The following OLFM3 variants were observed in gnomAD, a reference collection of about 807,000 sequenced individuals.
OLFM3 encodes olfactomedin 3, also known as noelin-3.
Under a neutral mutation model 48.6 loss-of-function variants are expected in OLFM3, and 20 were observed. The observed-to-expected ratio is 0.41, with a 90% CI of 0.29 to 0.60. OLFM3 has a LOEUF of 0.60. Among genes scored for constraint, OLFM3 ranks in the 20% least tolerant of loss-of-function variants. The pLI is 0.28. For missense variants in OLFM3, 437 were observed against 544.3 expected, an observed-to-expected ratio of 0.80 and a Z score of 1.96; for synonymous variants, 222 against 198.1, an observed-to-expected ratio of 1.12 and a Z score of -1.01.
chr1:101,809,578 C>A (rs1288899906), intron 4 of OLFM3, among the ~76,000 whole-genome samples: 2 of 151,788 alleles, frequency 1.3e-5, no homozygotes, highest in Admixed American at 6.6e-5. Flanking sequence ...AGACATCAGA[C>A]AAGAAAATAG....
At chr1:101,990,080 G>A (rs770182666) in intron 1 of OLFM3, among the ~76,000 whole-genome samples, 3 of 152,098 alleles carry the variant, frequency 2.0e-5, no homozygotes, top group Non-Finnish European at 2.9e-5. Flanking sequence ...TCCATGATTA[G>A]TTTAAAAGTT....
chr1:101,935,359 C>T (rs977839498), intron 1 of OLFM3, among the ~76,000 whole-genome samples: 1 of 150,756 alleles, frequency 6.6e-6, no homozygotes, highest in Non-Finnish European at 1.5e-5. Context: ...TCTATGCACA[C>T]AACTAGAAAA....
In OLFM3 at chr1:101,816,778, T is replaced by G. The variant is rs541934755; in HGVS notation, c.592+8248A>C. 2.6e-5 allele frequency among the ~76,000 whole-genome samples: 4 copies of G among 152,260 alleles called. No homozygotes were observed. In the East Asian group the frequency reaches 5.8e-4, roughly 22 times the overall value. ...ATGCTGGTGGACAGAAGGTGGTATT[T>G]GTGGTTGTGGTCAAATAAACACCAT... On this transcript the variant is annotated intron_variant, in intron 4 of 5. Transcript: ENST00000370103.
At chr1:101,848,801 A>T (rs1052789584) in intron 1 of OLFM3, among the ~76,000 whole-genome samples, 1 of 152,174 alleles carries the variant, frequency 6.6e-6, no homozygotes, top group Non-Finnish European at 1.5e-5. Context: ...TGTCTTTTCA[A>T]GAGCTTAATT....
chr1:101,948,028 T>G (rs1486788289), intron 1 of OLFM3, among the ~76,000 whole-genome samples: 1 of 152,090 alleles, frequency 6.6e-6, no homozygotes, highest in Non-Finnish European at 1.5e-5. Context: ...TCACAATAGA[T>G]CTGAAAATTC....
rs1658080065 is a variant in OLFM3 at position 101,893,447 on chromosome 1, G to T, written c.70-56422C>A. Reference sequence around the variant, plus strand: ...AAAGAAGATAGTTTTGGGAGAAGACGATTCTAGAAATTCATATTGACAAAA... The same window carrying T: ...AAAGAAGATAGTTTTGGGAGAAGACTATTCTAGAAATTCATATTGACAAAA... On this transcript the variant is annotated intron_variant, in intron 1 of 5. Coordinates refer to ENST00000370103, the MANE Select transcript of OLFM3 (RefSeq NM_058170.4). The T allele has an allele frequency of 1.1e-5, 3 of 273,184 alleles. No homozygotes were observed. In the South Asian group the frequency reaches 1.5e-4, roughly 14 times the overall value. 16.9% of individuals were successfully genotyped at this position (273,184 alleles called of 1,614,324 possible). A position where few individuals can be genotyped will look rare whatever the true frequency, so the allele number is the denominator to read the frequency against.
At chr1:101,951,546 T>A (rs1660144837) in intron 1 of OLFM3, among the ~76,000 whole-genome samples, 1 of 152,160 alleles carries the variant, frequency 6.6e-6, no homozygotes, top group Non-Finnish European at 1.5e-5. Flanking sequence ...CATCTGTAAG[T>A]GCCTCAGAAT....
intron 1 of OLFM3, among the ~76,000 whole-genome samples, chr1:101,923,167 A>G (rs1659155517): frequency 6.6e-6 from 1 of 152,218 alleles, no homozygotes; most frequent in Admixed American, 6.5e-5. Flanking sequence ...TCATAGGCAT[A>G]TCTCTGTAGA....
intron 4 of OLFM3, among the ~76,000 whole-genome samples, chr1:101,822,142 G>T (rs751013767): frequency 6.6e-6 from 1 of 152,076 alleles, no homozygotes; most frequent in Non-Finnish European, 1.5e-5. Context: ...GGGGTTACAT[G>T]TGGGTTAGAA....
intron 1 of OLFM3, among the ~76,000 whole-genome samples, chr1:101,930,989 C>T (rs7536073): frequency 0.4 from 61,291 of 151,976 alleles, 12,717 homozygotes; most frequent in Middle Eastern, 0.51. Context: ...TGATATTTTG[C>T]CTAGCAATTA....
rs895088217 is a variant in OLFM3, at chr1:101,875,584, G to C, written c.70-38559C>G. ...TTAAAAAAATAAAATGTATATTCTA[G>C]GACATAAGATGAGTTAAATAGAAAA... On this transcript the variant is annotated intron_variant, in intron 1 of 5. Coordinates refer to ENST00000370103, the MANE Select transcript of OLFM3 (RefSeq NM_058170.4). Among the ~76,000 whole-genome samples the C allele has an allele frequency of 4.6e-5, 7 of 151,952 alleles. 1 individual carries two copies. The highest frequency in any genetic ancestry group is 4.6e-4 in the Admixed American group (7 of 15,226).
intron 1 of OLFM3, chr1:101,837,893 T>G (rs926948977): frequency 5.9e-5 from 9 of 152,228 alleles, no homozygotes; most frequent in African/African-American, 2.2e-4. Context: ...CCCTTGTGAT[T>G]TCTACCTGTT....
At chr1:101,893,401 T>A in intron 1 of OLFM3, 1 of 371,508 alleles carries the variant, frequency 2.7e-6, no homozygotes, top group Non-Finnish European at 5.5e-6. Context: ...GTCCTCAAGA[T>A]AGATGTAAAA....
intron 1 of OLFM3, among the ~76,000 whole-genome samples, chr1:101,888,136 T>G (rs1041786777): frequency 6.6e-6 from 1 of 152,106 alleles, no homozygotes; most frequent in Non-Finnish European, 1.5e-5. Flanking sequence ...CTTCACAGAA[T>G]TGGAAAAAAC....
chr1:101,830,600 T>C (rs1655097714), intron 3 of OLFM3, 72 bp downstream of exon 3: 2 of 1,507,550 alleles, frequency 1.3e-6, no homozygotes, highest in Non-Finnish European at 1.8e-6. Flanking sequence ...CATTTCTAGC[T>C]GAGTGCCCCA....
chr1:101,806,064 G>A lies in OLFM3; in HGVS notation c.699+12C>T. 1 of 1,591,364 alleles carries A rather than the reference G, an allele frequency of 6.3e-7. No individual in the cohort carries two copies. Among genetic ancestry groups the A allele is most frequent in the Non-Finnish European group, 8.6e-7 (1 of 1,160,144 alleles). On this transcript the variant is annotated intron_variant, in intron 5 of 5. Coordinates refer to ENST00000370103, the MANE Select transcript of OLFM3 (RefSeq NM_058170.4). ...TTAATTCTAAGCAAAGGTGTTTGTG[G>A]GAGAAACATACTCTGTTGTTTTTCT...
chr1:101,879,202 G>GA (rs1282765845), intron 1 of OLFM3, among the ~76,000 whole-genome samples: 1 of 147,718 alleles, frequency 6.8e-6, no homozygotes, highest in Non-Finnish European at 1.5e-5. Context: ...TAAAGCACAG[G>GA]AAACATGGAT....
intron 1 of OLFM3, among the ~76,000 whole-genome samples, chr1:101,859,210 C>T (rs1364861974): frequency 6.6e-6 from 1 of 152,062 alleles, no homozygotes; most frequent in Non-Finnish European, 1.5e-5. Flanking sequence ...GAAGATTAAA[C>T]ATTGCTACCA....
chr1:101,910,541 G>A (rs1345465475), intron 1 of OLFM3, among the ~76,000 whole-genome samples: 5 of 151,530 alleles, frequency 3.3e-5, no homozygotes, highest in Admixed American at 3.3e-4. Context: ...TCAGACTTCT[G>A]TCCTCAAAAG....
Sources: allele counts gnomAD v4.1 joint callset (sites outside exome capture counted in the v4.1 genomes callset), GRCh38; gene constraint gnomAD v4.1.1; transcripts MANE v1.5; gene names NCBI Gene and HGNC (gene_info 2026-07-23, HGNC 2026-07-21).